The following LITAF variants were observed in gnomAD, a reference collection of about 807,000 sequenced individuals.
The protein encoded by LITAF is lipopolysaccharide induced TNF factor, also known as lipopolysaccharide-induced tumor necrosis factor-alpha factor.
In LITAF, 9 loss-of-function variants were observed where a neutral mutation model predicts 14.5. The ratio of observed to expected loss-of-function variants is 0.62; its 90% CI spans 0.37 to 1.08. The LOEUF is 1.08. Among genes scored for constraint, LITAF ranks in the 50% least tolerant of loss-of-function variants. The pLI, the probability that LITAF is intolerant of heterozygous loss-of-function variation, is 0.01. For missense variants in LITAF, 206 were observed against 213.4 expected, an observed-to-expected ratio of 0.97 and a Z score of 0.22; for synonymous variants, 98 against 88.2, an observed-to-expected ratio of 1.11 and a Z score of -0.62.
rs564297621 is a variant in LITAF, at chr16:11,574,995, G to T, written c.-6+11891C>A. Among the ~76,000 whole-genome samples the T allele has an allele frequency of 2.0e-5, 3 of 152,156 alleles. No individual in the cohort carries two copies. The East Asian group carries it at 5.8e-4, about 29-fold the overall frequency. ...TTTTTTTATTTTTAGTAGAGACAGG[G>T]TTTCACCATGTTGGCCAGGCTGGTC... is the stretch of plus-strand genomic sequence containing the variant. On this transcript the variant is annotated intron_variant, in intron 1 of 3. Transcript: ENST00000622633.
At chr16:11,624,495 T>C (rs1443946469) in intron 3 of LITAF, among the ~76,000 whole-genome samples, 4 of 152,180 alleles carry the variant, frequency 2.6e-5, no homozygotes, top group African/African-American at 9.7e-5. Flanking sequence ...GAGCCCTAGA[T>C]GCTGACATTC....
chr16:11,612,655 C>G (rs971565771), intron 3 of LITAF, among the ~76,000 whole-genome samples: 12 of 152,152 alleles, frequency 7.9e-5, no homozygotes, highest in African/African-American at 2.9e-4. Context: ...AGCAGACCTT[C>G]CCACCCCACT....
chr16:11,553,476 G>C lies in LITAF; in HGVS notation c.377+57C>G. On this transcript the variant is annotated intron_variant, in intron 3 of 3. Coordinates refer to ENST00000622633, the MANE Select transcript of LITAF (RefSeq NM_001136472.2). The surrounding 1 kb of genome is among the most constrained non-coding windows in gnomAD (Gnocchi z 7.7). Reference sequence around the variant, plus strand: ...ATGGTGCAGTTGAGAACCCACCCCCGCCAGCACCCAGAGAGAAGGGCAGGA... The same window carrying C: ...ATGGTGCAGTTGAGAACCCACCCCCCCCAGCACCCAGAGAGAAGGGCAGGA... The C allele has an allele frequency of 1.9e-6, 3 of 1,577,330 alleles. No individual in the cohort carries two copies. Among genetic ancestry groups the C allele is most frequent in the Non-Finnish European group, 2.6e-6 (3 of 1,151,554 alleles).
intron 1 of LITAF, among the ~76,000 whole-genome samples, chr16:11,574,385 T>C (rs575965854): frequency 6.6e-6 from 1 of 152,078 alleles, no homozygotes; most frequent in Non-Finnish European, 1.5e-5. Context: ...TCCAAAGGCA[T>C]ACATAAGAAA....
At position 11,570,030 on chromosome 16, in the gene LITAF, A is replaced by C. The variant is rs7191393; in HGVS notation, c.-5-13295T>G. ...GGGCCACAGAGCGAGACTTTGCCTC[A>C]AAAAAAAAAAAAAAGTTAAAATGGC... On this transcript the variant is annotated intron_variant, in intron 1 of 3. Transcript: ENST00000622633. 3.5e-5 allele frequency among the ~76,000 whole-genome samples: 4 copies of C among 115,354 alleles called. No individual in the cohort carries two copies. In the East Asian group the frequency reaches 6.0e-4, roughly 17 times the overall value. 75.7% of individuals were successfully genotyped at this position (115,354 alleles called of 152,430 possible). A position where few individuals can be genotyped will look rare whatever the true frequency, so the allele number is the denominator to read the frequency against.
At chr16:11,601,109 T>C (rs1420814467), upstream of LITAF, among the ~76,000 whole-genome samples, 1 of 151,812 alleles carries the variant, frequency 6.6e-6, no homozygotes, top group Non-Finnish European at 1.5e-5. Context: ...ATCCTGATTC[T>C]CCATCCCCCC....
chr16:11,638,096 C>CTA (rs3028603), upstream of LITAF, among the ~76,000 whole-genome samples: 66 of 64,410 alleles, frequency 1.0e-3, 10 homozygotes, highest in East Asian at 2.3e-3. Context: ...ATCTATCTAT[C>CTA]TATATATATA....
chr16:11,605,252 T>A lies in LITAF; in HGVS notation c.85+28281A>T, dbSNP rs186340889. 1.2e-4 allele frequency among the ~76,000 whole-genome samples: 18 copies of A among 152,326 alleles called. No individual in the cohort carries two copies. In the East Asian group the frequency reaches 3.5e-3, roughly 29 times the overall value. ...GCACCGTGGACTTCACCAGTGGGGC[T>A]GTGACAAGTGCCTGTGTCCCCGTGG... is the stretch of plus-strand genomic sequence containing the variant. On this transcript the variant is annotated intron_variant, in intron 3 of 3. Transcript: ENST00000574848. The surrounding 1 kb of genome is among the most constrained non-coding windows in gnomAD (Gnocchi z 4.7).
chr16:11,566,321 T>C (rs2064450460), intron 1 of LITAF, among the ~76,000 whole-genome samples: 1 of 152,280 alleles, frequency 6.6e-6, no homozygotes, highest in East Asian at 1.9e-4. Flanking sequence ...CAGAGGGGTT[T>C]TTCCCTGGAT....
upstream of LITAF, among the ~76,000 whole-genome samples, chr16:11,638,617 T>A (rs952541561): frequency 6.1e-5 from 9 of 147,754 alleles, no homozygotes; most frequent in Non-Finnish European, 8.9e-5. Context: ...AGGAGAATCA[T>A]TTGAACCCAG....
At chr16:11,573,378 G>C (rs2064576628) in intron 1 of LITAF, among the ~76,000 whole-genome samples, 1 of 152,084 alleles carries the variant, frequency 6.6e-6, no homozygotes, top group Non-Finnish European at 1.5e-5. Context: ...CAACAGAAAC[G>C]GCCAACCAAA....
chr16:11,583,909 T>G (rs1410708412), intron 1 of LITAF, among the ~76,000 whole-genome samples: 2 of 152,210 alleles, frequency 1.3e-5, no homozygotes, highest in South Asian at 2.1e-4. Context: ...TTAAGCTCTA[T>G]GAAATTACAC....
intron 1 of LITAF, among the ~76,000 whole-genome samples, chr16:11,557,384 GT>G (rs1181039976): frequency 6.6e-6 from 1 of 152,242 alleles, no homozygotes; most frequent in African/African-American, 2.4e-5. Context: ...GGTATGTTCA[GT>G]CTGTAAAAAT....
chr16:11,578,169 G>A (rs780866667), intron 1 of LITAF, among the ~76,000 whole-genome samples: 1 of 152,176 alleles, frequency 6.6e-6, no homozygotes. Context: ...AAACTGCTGG[G>A]ATTATAGGCA....
At chr16:11,635,836 C>T (rs1567270169) in exon 2 of LITAF, 1 of 152,222 alleles carries the variant, frequency 6.6e-6, no homozygotes. Flanking sequence ...TTTTTGACTC[C>T]TCGAAGACCT....
Position 11,585,202 on chromosome 16 carries a change from C to T in LITAF, c.-6+1684G>A, listed in dbSNP as rs1208959123. On this transcript the variant is annotated intron_variant, in intron 1 of 3. Transcript: ENST00000622633. ...GAGCCGAGATCGCACCACTGCACTC[C>T]AGCCTAGGCGACAGTGAGACTCTGT... Among the ~76,000 whole-genome samples, 6 of 147,248 alleles carry T rather than the reference C, an allele frequency of 4.1e-5. No individual in the cohort carries two copies. The East Asian group carries it at 1.2e-3, about 29-fold the overall frequency.
upstream of LITAF, among the ~76,000 whole-genome samples, chr16:11,599,109 C>T (rs143658495): frequency 8.1e-5 from 12 of 147,352 alleles, no homozygotes; most frequent in South Asian, 2.2e-4. Context: ...TGTGAGCCAC[C>T]GCACCAAGCC....
chr16:11,560,296 C>CA, intron 1 of LITAF, among the ~76,000 whole-genome samples: 1 of 151,422 alleles, frequency 6.6e-6, no homozygotes, highest in East Asian at 2.0e-4. Flanking sequence ...GACTCTGTCT[C>CA]AAAAATCAAT....
At chr16:11,618,179 T>C (rs989765713) in intron 3 of LITAF, among the ~76,000 whole-genome samples, 2 of 152,212 alleles carry the variant, frequency 1.3e-5, no homozygotes. Context: ...AACCCATTTA[T>C]TTATTCTGTC....
Sources: gnomAD v4.1 joint callset for allele counts (sites outside exome capture counted in the v4.1 genomes callset) on GRCh38, gnomAD v4.1.1 for gene constraint, Gnocchi (gnomAD v3.1) non-coding constraint, MANE v1.5 for transcripts, NCBI Gene and HGNC (gene_info 2026-07-23, HGNC 2026-07-21) for gene names.